The following ANKS1B variants were observed in gnomAD, a reference collection of about 807,000 sequenced individuals.
The protein encoded by ANKS1B is ankyrin repeat and sterile alpha motif domain containing 1B, also known as ankyrin repeat and sterile alpha motif domain-containing protein 1B.
Under a neutral mutation model 148.3 loss-of-function variants are expected in ANKS1B, and 36 were observed. That is an observed-to-expected ratio of 0.24 (90% CI 0.19 to 0.32). ANKS1B has a LOEUF of 0.32. Among genes scored for constraint, ANKS1B ranks in the 10% least tolerant of loss-of-function variants. The pLI is 1.00. For synonymous variants in ANKS1B, 542 were observed against 560.8 expected (o/e 0.97, Z 0.47); for missense variants, 1,157 against 1,542.6 (o/e 0.75, Z 4.19).
chr12:99,613,669 A>G (rs935998128), intron 9 of ANKS1B, among the ~76,000 whole-genome samples: 4 of 152,186 alleles, frequency 2.6e-5, no homozygotes, highest in Admixed American at 1.3e-4. Flanking sequence ...ACATGGACAC[A>G]TAGAGGAGAA....
chr12:98,971,127 T>C (rs1251942734), intron 17 of ANKS1B, among the ~76,000 whole-genome samples: 1 of 152,166 alleles, frequency 6.6e-6, no homozygotes, highest in East Asian at 1.9e-4. Context: ...CTTGGCCAAG[T>C]TTTAAACTCT....
chr12:99,581,229 A>C (rs182226929), intron 9 of ANKS1B, among the ~76,000 whole-genome samples: 23 of 152,322 alleles, frequency 1.5e-4, no homozygotes, highest in African/African-American at 4.1e-4. Context: ...AGTGGAATAA[A>C]ATAAGAGTGT....
intron 9 of ANKS1B, among the ~76,000 whole-genome samples, chr12:99,522,545 C>T (rs2096885344): frequency 6.6e-6 from 1 of 152,088 alleles, no homozygotes; most frequent in Admixed American, 6.5e-5. Context: ...TTTTCTATAA[C>T]ATTTAAAACT....
chr12:99,683,661 G>C (rs1213722586), intron 8 of ANKS1B, among the ~76,000 whole-genome samples: 3 of 151,772 alleles, frequency 2.0e-5, no homozygotes, highest in Middle Eastern at 3.2e-3. Flanking sequence ...ACCAGAAAAG[G>C]GTATTTGAAA....
At chr12:99,152,489 G>C (rs1388977537) in intron 15 of ANKS1B, among the ~76,000 whole-genome samples, 1 of 152,064 alleles carries the variant, frequency 6.6e-6, no homozygotes, top group South Asian at 2.1e-4. Context: ...AAATTTTGAA[G>C]TGCTTATACA....
intron 17 of ANKS1B, among the ~76,000 whole-genome samples, chr12:99,025,857 G>T (rs1399691432): frequency 6.6e-6 from 1 of 152,196 alleles, no homozygotes; most frequent in Non-Finnish European, 1.5e-5. Flanking sequence ...GTGCTTCTCA[G>T]TGTCAATAAG....
rs575382916 is a variant in ANKS1B, at chr12:99,590,484, G to T, written c.1272+64583C>A. On this transcript the variant is annotated intron_variant, in intron 9 of 26. Transcript: ENST00000683438. Reference sequence around the variant, plus strand: ...GGTAGAGATCCTATTTCTCATGTCTGTCCCTTGCATCCACAGCATCTACCA... The same window carrying T: ...GGTAGAGATCCTATTTCTCATGTCTTTCCCTTGCATCCACAGCATCTACCA... Among the ~76,000 whole-genome samples the T allele has an allele frequency of 3.3e-5, 5 of 152,202 alleles. 1 individual carries two copies. Among genetic ancestry groups the T allele is most frequent in the African/African-American group, 1.2e-4 (5 of 41,538 alleles).
chr12:99,339,603 C>G (rs1212530687), intron 12 of ANKS1B, among the ~76,000 whole-genome samples: 1 of 152,078 alleles, frequency 6.6e-6, no homozygotes, highest in Non-Finnish European at 1.5e-5. Context: ...CCACCTTGTT[C>G]CACTTCTCTC....
chr12:98,874,338 T>C (rs1366437162), intron 17 of ANKS1B, among the ~76,000 whole-genome samples: 1 of 152,208 alleles, frequency 6.6e-6, no homozygotes, highest in Non-Finnish European at 1.5e-5. Flanking sequence ...TGATTGCTTT[T>C]CTGATGGAAT....
intron 12 of ANKS1B, chr12:99,341,326 A>G (rs956509848): frequency 6.6e-6 from 1 of 152,166 alleles, no homozygotes; most frequent in Non-Finnish European, 1.5e-5. Context: ...AATCAAGCTC[A>G]GATGTTTCAC....
chr12:99,464,680 C>T (rs991043685), intron 10 of ANKS1B, among the ~76,000 whole-genome samples: 1 of 151,686 alleles, frequency 6.6e-6, no homozygotes, highest in East Asian at 1.9e-4. Context: ...TCAACTGGAA[C>T]AAAGGGTATC....
intron 12 of ANKS1B, among the ~76,000 whole-genome samples, chr12:99,286,708 A>G (rs2079166826): frequency 6.6e-6 from 1 of 152,182 alleles, no homozygotes; most frequent in African/African-American, 2.4e-5. Flanking sequence ...GCCTGGCAGC[A>G]TTCACCACAA....
At chr12:99,197,377 C>T (rs990686290) in intron 14 of ANKS1B, among the ~76,000 whole-genome samples, 2 of 152,108 alleles carry the variant, frequency 1.3e-5, no homozygotes, top group African/African-American at 4.8e-5. Flanking sequence ...CCAAGAACTC[C>T]AGTTTCTAAC....
Position 99,931,208 on chromosome 12 carries a change from G to T in ANKS1B, c.134+52896C>A, listed in dbSNP as rs575598264. On this transcript the variant is annotated intron_variant, in intron 1 of 26. Coordinates refer to ENST00000683438, the MANE Select transcript of ANKS1B (RefSeq NM_001352186.2). ...GACTGTTGTGGGGTCGGGGGAGAGG[G>T]GAGGGATAGCATTAGGAGATATACC... 5.3e-5 allele frequency among the ~76,000 whole-genome samples: 8 copies of T among 152,164 alleles called. No individual in the cohort carries two copies. In the South Asian group the frequency reaches 1.7e-3, roughly 32 times the overall value.
rs553125675 is a variant in ANKS1B at position 99,478,657 on chromosome 12, AGTG to A, written c.1438+25816_1438+25818del. On this transcript the variant is annotated intron_variant, in intron 10 of 26. Coordinates refer to ENST00000683438, the MANE Select transcript of ANKS1B (RefSeq NM_001352186.2). ...AGATTTGAAATGTACAGAACTAGCC[AGTG>A]GAAAATTCTTCCAAATCTTCAAGCT... 8.8e-4 allele frequency among the ~76,000 whole-genome samples: 134 copies of A among 152,240 alleles called. No homozygotes were observed. The Middle Eastern group carries it at 0.02, about 23-fold the overall frequency.
At chr12:99,294,582 C>T (rs916456505) in intron 12 of ANKS1B, among the ~76,000 whole-genome samples, 5 of 151,978 alleles carry the variant, frequency 3.3e-5, no homozygotes, top group Non-Finnish European at 7.4e-5. Flanking sequence ...TACAAAAATA[C>T]AGTTATAAAC....
chr12:99,238,710 A>G (rs1250148518), intron 14 of ANKS1B, among the ~76,000 whole-genome samples: 6 of 152,182 alleles, frequency 3.9e-5, no homozygotes, highest in Non-Finnish European at 8.8e-5. Flanking sequence ...AAGCTTCCAG[A>G]GGAAGGATCA....
intron 25 of ANKS1B, among the ~76,000 whole-genome samples, chr12:98,767,564 C>T (rs1005847235): frequency 1.3e-5 from 2 of 152,198 alleles, no homozygotes; most frequent in Non-Finnish European, 2.9e-5. Flanking sequence ...TCAAAGACTG[C>T]AAACATATTC....
At chr12:99,519,893 T>G (rs181714985) in intron 9 of ANKS1B, among the ~76,000 whole-genome samples, 2 of 152,204 alleles carry the variant, frequency 1.3e-5, no homozygotes, top group Non-Finnish European at 2.9e-5. Flanking sequence ...TTATTTTAAC[T>G]GGTGACAATT....
Sources: gnomAD v4.1 joint callset for allele counts (sites outside exome capture counted in the v4.1 genomes callset) on GRCh38, gnomAD v4.1.1 for gene constraint, MANE v1.5 for transcripts, NCBI Gene and HGNC (gene_info 2026-07-23, HGNC 2026-07-21) for gene names.